The following SCAPER variants were observed in gnomAD, a reference collection of about 807,000 sequenced individuals.
SCAPER encodes S phase cyclin A-associated protein in the endoplasmic reticulum.
Under a neutral mutation model 182.2 loss-of-function variants are expected in SCAPER, and 98 were observed. The ratio of observed to expected loss-of-function variants is 0.54; its 90% confidence interval spans 0.46 to 0.64. The LOEUF (loss-of-function observed/expected upper bound fraction) is 0.64. Among genes scored for constraint, SCAPER ranks in the 30% least tolerant of loss-of-function variants. The pLI is 0.00. For synonymous variants in SCAPER, 605 were observed against 564.6 expected (o/e 1.07, Z -1.01); for missense variants, 1,432 against 1,690.0 (o/e 0.85, Z 2.68).
intron 17 of SCAPER, among the ~76,000 whole-genome samples, chr15:76,725,233 G>A (rs552302540): frequency 6.6e-6 from 1 of 152,116 alleles, no homozygotes; most frequent in African/African-American, 2.4e-5. Context: ...ATAACAAGAT[G>A]AGAAAAACAG....
At chr15:76,880,452 T>C (rs2073460478) in intron 2 of SCAPER, among the ~76,000 whole-genome samples, 1 of 152,240 alleles carries the variant, frequency 6.6e-6, no homozygotes, top group Non-Finnish European at 1.5e-5. Flanking sequence ...AAATGTACTA[T>C]TACAGTTCTG....
chr15:76,824,841 A>G (rs2067861730), intron 5 of SCAPER, among the ~76,000 whole-genome samples: 1 of 152,234 alleles, frequency 6.6e-6, no homozygotes, highest in Non-Finnish European at 1.5e-5. Context: ...ATTCTCCTTT[A>G]TAATTTAAAC....
At chr15:76,584,044 TA>T (rs935586498) in intron 22 of SCAPER, among the ~76,000 whole-genome samples, 66 of 151,770 alleles carry the variant, frequency 4.3e-4, no homozygotes, top group African/African-American at 1.5e-3. Context: ...GATAAACAGA[TA>T]AAAAAAATGT....
intron 23 of SCAPER, among the ~76,000 whole-genome samples, chr15:76,518,202 C>T (rs1309651672): frequency 1.3e-5 from 2 of 152,130 alleles, no homozygotes; most frequent in Non-Finnish European, 2.9e-5. Flanking sequence ...AGCTCAAGCC[C>T]CAGCTGGCCT....
At chr15:76,840,635 A>G (rs774667885) in intron 5 of SCAPER, among the ~76,000 whole-genome samples, 3 of 152,178 alleles carry the variant, frequency 2.0e-5, no homozygotes, top group Non-Finnish European at 2.9e-5. Context: ...TTAACCCCTC[A>G]TATATTTCAA....
chr15:76,686,278 A>T (rs559209235), intron 20 of SCAPER, among the ~76,000 whole-genome samples: 1 of 152,228 alleles, frequency 6.6e-6, no homozygotes, highest in East Asian at 1.9e-4. Flanking sequence ...CATTCTACAG[A>T]ACAGAAAATA....
At chr15:76,449,965 T>C (rs990068117) in intron 25 of SCAPER, among the ~76,000 whole-genome samples, 3 of 152,244 alleles carry the variant, frequency 2.0e-5, no homozygotes, top group Non-Finnish European at 4.4e-5. Flanking sequence ...AAATATTTTA[T>C]GCTTTGCAGG....
At chr15:76,627,253 C>CT (rs200430126) in intron 21 of SCAPER, among the ~76,000 whole-genome samples, 1 of 151,396 alleles carries the variant, frequency 6.6e-6, no homozygotes, top group South Asian at 2.1e-4. Flanking sequence ...TTTTACAAAT[C>CT]TCAGAAATTA....
intron 25 of SCAPER, among the ~76,000 whole-genome samples, chr15:76,451,664 A>C (rs2048374576): frequency 6.6e-6 from 1 of 152,170 alleles, no homozygotes. Flanking sequence ...GCCAACCATA[A>C]AGAATGCTTT....
chr15:76,846,373 T>A (rs1004417603), intron 4 of SCAPER, among the ~76,000 whole-genome samples: 9 of 151,656 alleles, frequency 5.9e-5, no homozygotes. Context: ...AAAAAAAACT[T>A]CTGCACAGCA....
At chr15:76,395,306 C>T (rs2043975683) in intron 27 of SCAPER, among the ~76,000 whole-genome samples, 1 of 152,180 alleles carries the variant, frequency 6.6e-6, no homozygotes, top group Admixed American at 6.5e-5. Flanking sequence ...CTGCAACAAA[C>T]ATGGGAGTGT....
intron 1 of SCAPER, among the ~76,000 whole-genome samples, chr15:76,901,184 C>G (rs1260901283): frequency 6.6e-6 from 1 of 152,060 alleles, no homozygotes; most frequent in Non-Finnish European, 1.5e-5. Flanking sequence ...AAGCTGAGAT[C>G]GCACCACTGC....
At chr15:76,578,541 G>A (rs1044768089) in intron 22 of SCAPER, among the ~76,000 whole-genome samples, 3 of 152,178 alleles carry the variant, frequency 2.0e-5, no homozygotes, top group Admixed American at 2.0e-4. Context: ...GAGAAAATAA[G>A]GGAAGAGAAC....
At chr15:76,890,430 TAAAG>T (rs762691329) in intron 1 of SCAPER, among the ~76,000 whole-genome samples, 2 of 151,440 alleles carry the variant, frequency 1.3e-5, no homozygotes, top group Admixed American at 6.6e-5. Flanking sequence ...GGAAGACTAA[TAAAG>T]AAGAAAAGAC....
At chr15:76,452,701 T>C (rs1304659474) in intron 25 of SCAPER, among the ~76,000 whole-genome samples, 2 of 152,234 alleles carry the variant, frequency 1.3e-5, no homozygotes, top group East Asian at 3.8e-4. Flanking sequence ...GGTCAATGTA[T>C]GTAGCTGATG....
chr15:76,558,805 T>C (rs1029044060), intron 23 of SCAPER, among the ~76,000 whole-genome samples: 9 of 151,916 alleles, frequency 5.9e-5, no homozygotes, highest in South Asian at 4.2e-4. Flanking sequence ...ATAAAGAAAA[T>C]GTGATATATA....
chr15:76,872,659 ATAC>A (rs1238778115), intron 2 of SCAPER, among the ~76,000 whole-genome samples: 8 of 151,672 alleles, frequency 5.3e-5, no homozygotes, highest in African/African-American at 1.9e-4. Context: ...TTCTACTATT[ATAC>A]TACATTATGT....
chr15:76,832,768 C>A (rs151293787), intron 5 of SCAPER, among the ~76,000 whole-genome samples: 98 of 152,248 alleles, frequency 6.4e-4, no homozygotes, highest in African/African-American at 2.2e-3. Context: ...GCTCTTGGTC[C>A]TGTTCCTGCC....
rs2041448273 is a variant in SCAPER at position 76,504,927 on chromosome 15, G to A, written c.2886C>T (p.Ala962=). ...CTACTGCTTGAAGGATGTGTTCAAG[G>A]GCTGTTAATCCACCAGCAGCTTGAA... is the stretch of plus-strand genomic sequence containing the variant. ...IAFQAAGGLT[A]LEHILQAVVP... is the part of the protein sequence containing the mutation. The change falls in exon 24 of 32, where the codon GCC becomes GCT. Residue 962 remains alanine (A), a synonymous_variant. Transcript: ENST00000563290. The A allele has an allele frequency of 6.2e-7, 1 of 1,612,716 alleles. No homozygotes were observed. Among genetic ancestry groups the A allele is most frequent in the South Asian group, 1.1e-5 (1 of 90,762 alleles).
Sources: allele counts gnomAD v4.1 joint callset (sites outside exome capture counted in the v4.1 genomes callset), GRCh38; gene constraint gnomAD v4.1.1; transcripts MANE v1.5; gene names NCBI Gene and HGNC (gene_info 2026-07-23, HGNC 2026-07-21).